The following FBXL20 variants were observed in gnomAD, a reference collection of about 807,000 sequenced individuals.
FBXL20 encodes the protein F-box and leucine rich repeat protein 20, also known as F-box/LRR-repeat protein 20.
A neutral mutation model predicts 64.0 loss-of-function variants in FBXL20; 11 were observed. That is an observed-to-expected ratio of 0.17 (90% CI 0.11 to 0.28). The LOEUF is 0.28. Among genes scored for constraint, FBXL20 ranks in the 10% least tolerant of loss-of-function variants. The pLI, the probability that FBXL20 is intolerant of heterozygous loss-of-function variation, is 1.00. For synonymous variants in FBXL20, 184 were observed against 189.0 expected, an observed-to-expected ratio of 0.97 and a Z score of 0.22; for missense variants, 303 against 526.2, an observed-to-expected ratio of 0.58 and a Z score of 4.15.
chr17:39,320,025 A>T (rs1161956959), intron 2 of FBXL20, among the ~76,000 whole-genome samples: 1 of 152,180 alleles, frequency 6.6e-6, no homozygotes, highest in East Asian at 1.9e-4. Context: ...TCTGTCCTTG[A>T]GACAGTCACT....
chr17:39,296,420 C>T (rs770818290), intron 6 of FBXL20, among the ~76,000 whole-genome samples: 67 of 151,796 alleles, frequency 4.4e-4, no homozygotes, highest in Non-Finnish European at 7.5e-4. Flanking sequence ...ATAAGCCGGG[C>T]GTGGTGGCAC....
At chr17:39,332,442 T>C (rs2047470360) in intron 2 of FBXL20, among the ~76,000 whole-genome samples, 1 of 151,840 alleles carries the variant, frequency 6.6e-6, no homozygotes, top group Admixed American at 6.6e-5. Flanking sequence ...GCACCCTGTG[T>C]GGTTCCACTG....
chr17:39,305,347 T>TA (rs1276143501), intron 2 of FBXL20, among the ~76,000 whole-genome samples: 1 of 152,170 alleles, frequency 6.6e-6, no homozygotes, highest in Non-Finnish European at 1.5e-5. Flanking sequence ...AGTTATTTGC[T>TA]GAAAGCCTGA....
chr17:39,349,501 T>C (rs951852022), intron 1 of FBXL20, among the ~76,000 whole-genome samples: 6 of 151,420 alleles, frequency 4.0e-5, no homozygotes, highest in South Asian at 4.2e-4. Flanking sequence ...GGCAGGAGGA[T>C]AGCTTGAGCC....
intron 2 of FBXL20, among the ~76,000 whole-genome samples, chr17:39,326,412 G>A (rs1454452739): frequency 6.6e-6 from 1 of 151,710 alleles, no homozygotes; most frequent in Non-Finnish European, 1.5e-5. Flanking sequence ...GTAATCCCAG[G>A]CGTTCCAAGC....
chr17:39,283,443 T>C (rs936404113), intron 7 of FBXL20, among the ~76,000 whole-genome samples: 1 of 146,062 alleles, frequency 6.8e-6, no homozygotes, highest in African/African-American at 2.5e-5. Context: ...CTTTTCTTTC[T>C]TTTTTTTTTT....
At chr17:39,373,451 T>C (rs2047937389) in intron 1 of FBXL20, among the ~76,000 whole-genome samples, 1 of 152,162 alleles carries the variant, frequency 6.6e-6, no homozygotes, top group African/African-American at 2.4e-5. Flanking sequence ...TCTGATAGAC[T>C]TCAGTTAACA....
intron 2 of FBXL20, among the ~76,000 whole-genome samples, chr17:39,340,867 G>C (rs2047575780): frequency 6.6e-6 from 1 of 150,824 alleles, no homozygotes; most frequent in East Asian, 1.9e-4. Flanking sequence ...TAAACTCAAT[G>C]AATTTTTTAA....
At position 39,261,522 on chromosome 17, in the gene FBXL20, T is replaced by C; in HGVS notation, c.1249A>G (p.Thr417Ala). The C allele has an allele frequency of 6.2e-7, 1 of 1,613,746 alleles. No homozygotes were observed. The highest frequency in any genetic ancestry group is 8.5e-7 in the Non-Finnish European group (1 of 1,179,824). The part of the protein sequence containing the change: ...IKVHAYFAPV[T>A]PPPSVGGSRQ... ...CTGCCCCCTACTGATGGGGGTGGAG[T>C]GACAGGTGCGAAGTAGGCGTGGACT... Residue 417 changes from threonine to alanine, a missense_variant, in exon 15 of 15, where the codon ACT becomes GCT. Thr to Ala is a moderately conservative substitution (Grantham distance 58). This residue lies in a region of FBXL20 where 56 missense variants were observed against 86.0 expected (regional missense o/e 0.65). Transcript: ENST00000264658.
At chr17:39,321,182 G>C (rs555411432) in intron 2 of FBXL20, among the ~76,000 whole-genome samples, 1 of 152,056 alleles carries the variant, frequency 6.6e-6, no homozygotes, top group African/African-American at 2.4e-5. Context: ...AGCCAGGAAC[G>C]GTGGCTCACG....
intron 2 of FBXL20, among the ~76,000 whole-genome samples, chr17:39,308,662 T>A (rs1316237375): frequency 6.6e-6 from 1 of 151,880 alleles, no homozygotes; most frequent in East Asian, 1.9e-4. Flanking sequence ...CCTCCCAGAT[T>A]CATGCCATTC....
chr17:39,278,475 C>A (rs1039685056), intron 9 of FBXL20, among the ~76,000 whole-genome samples: 11 of 150,916 alleles, frequency 7.3e-5, no homozygotes, highest in Non-Finnish European at 1.3e-4. Flanking sequence ...AATAGTTTTT[C>A]TTTGGCATTT....
At chr17:39,377,506 GT>G (rs541524196) in intron 1 of FBXL20, among the ~76,000 whole-genome samples, 38 of 144,394 alleles carry the variant, frequency 2.6e-4, no homozygotes, top group East Asian at 4.1e-4. Flanking sequence ...TTTTGTTGTT[GT>G]TTTTTTTTTT....
chr17:39,314,505 C>T (rs1329314039), intron 2 of FBXL20, among the ~76,000 whole-genome samples: 1 of 151,964 alleles, frequency 6.6e-6, no homozygotes, highest in East Asian at 1.9e-4. Flanking sequence ...CAAGGAACCA[C>T]ATCCAGCCTT....
At chr17:39,264,086 A>G in intron 14 of FBXL20, 89 bp downstream of exon 14, 1 of 1,366,850 alleles carries the variant, frequency 7.3e-7, no homozygotes. Context: ...TATAAAAATC[A>G]TAGGAACCTA....
chr17:39,319,734 G>T (rs1295173151), intron 2 of FBXL20, among the ~76,000 whole-genome samples: 2 of 146,272 alleles, frequency 1.4e-5, no homozygotes, highest in Non-Finnish European at 3.0e-5. Context: ...GGTAGTGAAG[G>T]CCAGAAAAAA....
At chr17:39,326,868 T>G (rs1043746837) in intron 2 of FBXL20, among the ~76,000 whole-genome samples, 2 of 146,704 alleles carry the variant, frequency 1.4e-5, no homozygotes, top group African/African-American at 2.5e-5. Context: ...CCTCAAACAA[T>G]CCTCCTGTCT....
At chr17:39,398,702 T>C (rs188594560) in intron 1 of FBXL20, among the ~76,000 whole-genome samples, 3 of 151,912 alleles carry the variant, frequency 2.0e-5, no homozygotes, top group Non-Finnish European at 1.5e-5. Flanking sequence ...AGACGGAATC[T>C]CTCGCTCTGT....
intron 6 of FBXL20, 61 bp from the exon 7 acceptor site, chr17:39,285,634 A>T: frequency 9.2e-7 from 1 of 1,087,668 alleles, no homozygotes; most frequent in Non-Finnish European, 1.3e-6. Flanking sequence ...TCCTTGGTAT[A>T]TCAGACACTG....
Sources: allele counts gnomAD v4.1 joint callset (sites outside exome capture counted in the v4.1 genomes callset), GRCh38; gene constraint gnomAD v4.1.1; regional missense constraint gnomAD v4.1.1; transcripts MANE v1.5; gene names NCBI Gene and HGNC (gene_info 2026-07-23, HGNC 2026-07-21).